Variants in NCOA7 observed in about 807,000 individuals in gnomAD.
The protein encoded by NCOA7 is 140 kDa estrogen receptor-associated protein.
In NCOA7, 45 loss-of-function variants were observed where a neutral mutation model predicts 104.3. The ratio of observed to expected loss-of-function variants is 0.43; its 90% confidence interval spans 0.34 to 0.55. NCOA7 has a LOEUF of 0.55. Among genes scored for constraint, NCOA7 ranks in the 20% least tolerant of loss-of-function variants. The probability of loss-of-function intolerance (pLI) is 0.02; values close to 1 mark genes in which losing one functional copy is unlikely to be tolerated. For missense variants in NCOA7, 1,041 were observed against 1,119.7 expected (o/e 0.93, Z 1.00); for synonymous variants, 398 against 402.3 (o/e 0.99, Z 0.13).
intron 3 of NCOA7, among the ~76,000 whole-genome samples, chr6:125,857,563 G>A (rs1401421588): frequency 6.6e-6 from 1 of 151,154 alleles, no homozygotes; most frequent in Non-Finnish European, 1.5e-5. Flanking sequence ...GCCTCCCAAA[G>A]CATTTTTTTT....
chr6:125,812,704 C>T (rs190107966), intron 1 of NCOA7, among the ~76,000 whole-genome samples: 7 of 152,294 alleles, frequency 4.6e-5, no homozygotes, highest in Admixed American at 1.3e-4. Context: ...ATCCCATAGC[C>T]GTCTCAAAGG....
At chr6:125,881,245 CTTCTT>C in intron 6 of NCOA7, 42 bp downstream of exon 6, 1 of 1,335,422 alleles carries the variant, frequency 7.5e-7, no homozygotes, top group South Asian at 1.2e-5. Flanking sequence ...ATTAAAGAGA[CTTCTT>C]TTAAGTTGTA....
chr6:125,795,895 A>G (rs1775275230), intron 1 of NCOA7, among the ~76,000 whole-genome samples: 1 of 152,176 alleles, frequency 6.6e-6, no homozygotes, highest in Non-Finnish European at 1.5e-5. Flanking sequence ...CACAGCAAAT[A>G]CCATTTGCCA....
At chr6:125,923,330 T>C (rs1226668219) in intron 13 of NCOA7, among the ~76,000 whole-genome samples, 1 of 152,182 alleles carries the variant, frequency 6.6e-6, no homozygotes, top group African/African-American at 2.4e-5. Context: ...AGGGGCCCAA[T>C]TGTTAAGAAA....
chr6:125,817,009 A>G (rs1214877217), intron 2 of NCOA7, among the ~76,000 whole-genome samples: 3 of 152,346 alleles, frequency 2.0e-5, no homozygotes, highest in Non-Finnish European at 4.4e-5. Context: ...ATCATATAGT[A>G]TGTAACCTTT....
intron 2 of NCOA7, among the ~76,000 whole-genome samples, chr6:125,831,631 C>G (rs180960616): frequency 7.2e-5 from 11 of 152,162 alleles, no homozygotes; most frequent in African/African-American, 2.7e-4. Flanking sequence ...ATATGTCATC[C>G]TTTTTAATTT....
chr6:125,896,975 T>G (rs1785072328), intron 10 of NCOA7, among the ~76,000 whole-genome samples: 2 of 152,274 alleles, frequency 1.3e-5, no homozygotes, highest in South Asian at 4.1e-4. Context: ...AAACTCATTA[T>G]GTATAAGTTA....
intron 2 of NCOA7, among the ~76,000 whole-genome samples, chr6:125,827,059 T>G (rs1222536087): frequency 1.3e-5 from 2 of 151,702 alleles, no homozygotes; most frequent in African/African-American, 4.8e-5. Flanking sequence ...TAGCTGGGCG[T>G]AGTGGCGCAC....
intron 2 of NCOA7, among the ~76,000 whole-genome samples, chr6:125,844,578 A>G (rs1186237247): frequency 6.6e-6 from 1 of 152,170 alleles, no homozygotes; most frequent in Non-Finnish European, 1.5e-5. Context: ...ATAATGGCTC[A>G]TAAGTGGGGA....
chr6:125,922,270 CA>C (rs1787653624), intron 12 of NCOA7, among the ~76,000 whole-genome samples: 1 of 152,180 alleles, frequency 6.6e-6, no homozygotes, highest in Non-Finnish European at 1.5e-5. Context: ...CACTTCTGTG[CA>C]AAGCTGCAGC....
Position 125,889,854 on chromosome 6 carries a change from T to C in NCOA7, c.1800T>C (p.Asn600=), listed in dbSNP as rs1374250908. ...PVKLNSSTEA[N]VIKEALDSSL... ...AACTGAACTCTTCTACAGAAGCAAATGTGATTAAAGAGGCTCTAGACTCCT... is the reference window on the plus strand; with the variant it reads ...AACTGAACTCTTCTACAGAAGCAAACGTGATTAAAGAGGCTCTAGACTCCT... The change falls in exon 9 of 16, where the codon AAT becomes AAC. Residue 600 remains asparagine (N), a synonymous_variant. Transcript: ENST00000392477. The C allele has an allele frequency of 6.2e-7, 1 of 1,613,614 alleles. No individual in the cohort carries two copies. The highest frequency in any genetic ancestry group is 8.5e-7 in the Non-Finnish European group (1 of 1,179,918).
chr6:125,791,827 T>C (rs1241121974), intron 1 of NCOA7, among the ~76,000 whole-genome samples: 2 of 152,204 alleles, frequency 1.3e-5, no homozygotes, highest in Admixed American at 6.5e-5. Flanking sequence ...TTATGCTCTG[T>C]ATTTCTCAGA....
chr6:125,861,762 C>T (rs1373540247), intron 3 of NCOA7, among the ~76,000 whole-genome samples: 2 of 152,124 alleles, frequency 1.3e-5, no homozygotes, highest in Admixed American at 6.5e-5. Flanking sequence ...AGAAGCTGGG[C>T]GTGGTGGCTC....
chr6:125,808,730 A>G (rs908562060), intron 1 of NCOA7, among the ~76,000 whole-genome samples: 4 of 152,136 alleles, frequency 2.6e-5, no homozygotes, highest in Non-Finnish European at 5.9e-5. Flanking sequence ...CATTTTCTAC[A>G]CCTTCTGCAG....
At chr6:125,928,401 CCTAA>C (rs988688662) in intron 15 of NCOA7, among the ~76,000 whole-genome samples, 154 bp downstream of exon 15, 15 of 152,196 alleles carry the variant, frequency 9.9e-5, no homozygotes, top group Admixed American at 2.6e-4. Flanking sequence ...CACAGAATGG[CCTAA>C]CTAAGAATCA....
intron 11 of NCOA7, among the ~76,000 whole-genome samples, chr6:125,917,381 C>T (rs1449290346): frequency 2.0e-5 from 3 of 152,108 alleles, no homozygotes; most frequent in Non-Finnish European, 2.9e-5. Context: ...CTTCTCCAGC[C>T]AATGTGAACC....
At chr6:125,786,402 C>G (rs566632745), upstream of NCOA7, among the ~76,000 whole-genome samples, 1 of 152,268 alleles carries the variant, frequency 6.6e-6, no homozygotes, top group South Asian at 2.1e-4. Flanking sequence ...CATTACTTAA[C>G]CAGTTTTGAA....
chr6:125,823,179 G>A (rs979807342), intron 2 of NCOA7, among the ~76,000 whole-genome samples: 1 of 151,558 alleles, frequency 6.6e-6, no homozygotes, highest in Non-Finnish European at 1.5e-5. Context: ...CAATCCCCCC[G>A]CAAATGGACA....
intron 2 of NCOA7, among the ~76,000 whole-genome samples, chr6:125,827,188 CAAAAAAAAAA>C (rs66522338): frequency 1.9e-4 from 15 of 79,020 alleles, no homozygotes; most frequent in South Asian, 3.9e-4. Context: ...AACTCCATCT[CAAAAAAAAAA>C]AAAAAAAAAA....
Sources: allele counts gnomAD v4.1 joint callset (sites outside exome capture counted in the v4.1 genomes callset), GRCh38; gene constraint gnomAD v4.1.1; transcripts MANE v1.5; gene names NCBI Gene and HGNC (gene_info 2026-07-23, HGNC 2026-07-21).